SLC9B1: variants seen among roughly 807,000 people sequenced by gnomAD.
The protein encoded by SLC9B1 is sodium/hydrogen exchanger 9B1.
In SLC9B1, 32 loss-of-function variants were observed where a neutral mutation model predicts 51.7. The observed-to-expected ratio is 0.62, with a 90% CI of 0.47 to 0.83. The LOEUF (loss-of-function observed/expected upper bound fraction) is 0.83. Among genes scored for constraint, SLC9B1 ranks in the 40% least tolerant of loss-of-function variants. The pLI, the probability that SLC9B1 is intolerant of heterozygous loss-of-function variation, is 0.00. For missense variants in SLC9B1, 406 were observed against 613.2 expected (o/e 0.66, Z 3.57); for synonymous variants, 145 against 212.7 (o/e 0.68, Z 2.77).
intron 11 of SLC9B1, among the ~76,000 whole-genome samples, chr4:102,893,566 A>C: frequency 6.6e-6 from 1 of 152,178 alleles, no homozygotes; most frequent in Non-Finnish European, 1.5e-5. Context: ...TTTTTTTTAA[A>C]AAGAAAAACC....
intron 3 of SLC9B1, among the ~76,000 whole-genome samples, chr4:102,971,447 A>G (rs1450081943): frequency 6.6e-6 from 1 of 152,228 alleles, no homozygotes; most frequent in African/African-American, 2.4e-5. Flanking sequence ...CAACGAGAAC[A>G]AAGACACAAC....
At chr4:102,886,996 A>T (rs535295991) in intron 11 of SLC9B1, among the ~76,000 whole-genome samples, 4 of 152,370 alleles carry the variant, frequency 2.6e-5, no homozygotes, top group Non-Finnish European at 5.9e-5. Context: ...TTTGAATTAA[A>T]TTCCATTGTT....
intron 3 of SLC9B1, among the ~76,000 whole-genome samples, chr4:102,956,154 T>G (rs1437172033): frequency 6.6e-6 from 1 of 152,118 alleles, no homozygotes; most frequent in African/African-American, 2.4e-5. Context: ...TGTCAAAATT[T>G]CATGCTGGGG....
chr4:103,013,398 CCTTT>C (rs1434258677), intron 1 of SLC9B1, among the ~76,000 whole-genome samples: 6 of 152,154 alleles, frequency 3.9e-5, no homozygotes, highest in African/African-American at 1.4e-4. Flanking sequence ...TCTCTGGTGT[CCTTT>C]CTTTGTCTTT....
chr4:102,902,076 T>A (rs1034295197), intron 11 of SLC9B1, among the ~76,000 whole-genome samples: 1 of 152,148 alleles, frequency 6.6e-6, no homozygotes, highest in Admixed American at 6.6e-5. Flanking sequence ...TCCTTTGAAG[T>A]TTTCGTTTTA....
Position 102,933,915 on chromosome 4 carries a change from C to T in SLC9B1, c.654-1616G>A, listed in dbSNP as rs536052622. On this transcript the variant is annotated intron_variant, in intron 6 of 11. Transcript: ENST00000296422. ...AACTAAAAAGCCTCAATTTTACCATCGCCCAACACCACGTCTGGCTAGTTT... is the reference window on the plus strand; with the variant it reads ...AACTAAAAAGCCTCAATTTTACCATTGCCCAACACCACGTCTGGCTAGTTT... Among the ~76,000 whole-genome samples the T allele has an allele frequency of 9.2e-5, 14 of 152,278 alleles. No homozygotes were observed. The South Asian group carries it at 1.7e-3, about 18-fold the overall frequency.
Position 102,946,717 on chromosome 4 carries a change from C to G in SLC9B1, c.455G>C (p.Trp152Ser), listed in dbSNP as rs758832495. The change falls in exon 5 of 12, where the codon TGG becomes TCG. Residue 152 changes from tryptophan (W) to serine (S), a missense_variant. Coordinates refer to ENST00000296422, the MANE Select transcript of SLC9B1 (RefSeq NM_139173.4). ...INEHVHVPNT[W>S]SSILRSIALT... ...GGCAATGCTTCTTAAAATTGAAGAC[C>G]ATGTGTTAGGAACATGGACATGTTC... The G allele has an allele frequency of 6.2e-7, 1 of 1,609,932 alleles. No homozygotes were observed. The highest frequency in any genetic ancestry group is 1.1e-5 in the South Asian group (1 of 90,548).
At chr4:102,945,637 G>C (rs1345831074) in intron 5 of SLC9B1, among the ~76,000 whole-genome samples, 1 of 151,742 alleles carries the variant, frequency 6.6e-6, no homozygotes, top group African/African-American at 2.4e-5. Flanking sequence ...TGTCCTATTA[G>C]TGTTTTCCCA....
At chr4:102,907,291 A>G (rs927992448) in intron 9 of SLC9B1, among the ~76,000 whole-genome samples, 1 of 152,152 alleles carries the variant, frequency 6.6e-6, no homozygotes, top group African/African-American at 2.4e-5. Flanking sequence ...GCCTGATGAG[A>G]ACATACCCAG....
At chr4:102,901,654 G>A (rs147655993) in intron 11 of SLC9B1, among the ~76,000 whole-genome samples, 1 of 152,134 alleles carries the variant, frequency 6.6e-6, no homozygotes, top group African/African-American at 2.4e-5. Flanking sequence ...AACGAAACCA[G>A]TTTTGCTTAG....
chr4:103,010,265 TTG>T (rs1741025698), intron 1 of SLC9B1, among the ~76,000 whole-genome samples: 2 of 151,950 alleles, frequency 1.3e-5, no homozygotes, highest in African/African-American at 4.8e-5. Flanking sequence ...GAGGGCCTTC[TTG>T]TTCCATTCTC....
intron 11 of SLC9B1, among the ~76,000 whole-genome samples, chr4:102,895,791 T>G (rs939956900): frequency 3.3e-5 from 5 of 152,154 alleles, no homozygotes; most frequent in East Asian, 1.9e-4. Context: ...TACCAAATAA[T>G]CTCAGTAAAC....
At chr4:103,018,137 A>G (rs1467608723) in intron 1 of SLC9B1, among the ~76,000 whole-genome samples, 1 of 152,242 alleles carries the variant, frequency 6.6e-6, no homozygotes, top group Middle Eastern at 3.2e-3. Context: ...TGGTTAACCA[A>G]CAGAAGTGTT....
At chr4:102,933,689 C>T (rs544177368) in intron 6 of SLC9B1, among the ~76,000 whole-genome samples, 13 of 152,076 alleles carry the variant, frequency 8.5e-5, no homozygotes, top group Admixed American at 3.9e-4. Flanking sequence ...GTTTTCTCCA[C>T]AGGGCTGCCT....
intron 6 of SLC9B1, 85 bp from the exon 7 acceptor site, chr4:102,932,384 A>G (rs1325626970): frequency 8.5e-7 from 1 of 1,175,094 alleles, no homozygotes; most frequent in Non-Finnish European, 1.2e-6. Context: ...TAATAACTTT[A>G]TAACAAACAT....
At chr4:102,903,520 G>A (rs1734884153) in intron 11 of SLC9B1, among the ~76,000 whole-genome samples, 1 of 152,214 alleles carries the variant, frequency 6.6e-6, no homozygotes, top group African/African-American at 2.4e-5. Flanking sequence ...TAATTTTCCT[G>A]AGGTTATAGG....
chr4:102,972,908 T>C (rs1273837595), intron 3 of SLC9B1, among the ~76,000 whole-genome samples: 1 of 152,178 alleles, frequency 6.6e-6, no homozygotes, highest in Non-Finnish European at 1.5e-5. Context: ...TTAAAATTAA[T>C]TTTTTAATTA....
At chr4:102,965,527 C>T (rs6814462) in intron 3 of SLC9B1, among the ~76,000 whole-genome samples, 8,697 of 152,194 alleles carry the variant, frequency 0.057, 542 homozygotes, top group African/African-American at 0.15. Flanking sequence ...AATGGCAGAG[C>T]CCCCATGACC....
chr4:102,905,112 C>G (rs1436861026), intron 11 of SLC9B1, among the ~76,000 whole-genome samples: 1 of 151,818 alleles, frequency 6.6e-6, no homozygotes, highest in Admixed American at 6.6e-5. Flanking sequence ...TGTGATCATG[C>G]GACTGCACTC....
Sources: gnomAD v4.1 joint callset for allele counts (sites outside exome capture counted in the v4.1 genomes callset) on GRCh38, gnomAD v4.1.1 for gene constraint, MANE v1.5 for transcripts, NCBI Gene and HGNC (gene_info 2026-07-23, HGNC 2026-07-21) for gene names.